Variants in THSD4 observed in about 807,000 individuals in gnomAD.
The protein encoded by THSD4 is thrombospondin type 1 domain containing 4.
THSD4 carries 69 observed loss-of-function variants against 119.0 expected under a neutral mutation model. The ratio of observed to expected loss-of-function variants is 0.58; its 90% CI spans 0.48 to 0.71. The LOEUF (loss-of-function observed/expected upper bound fraction) is 0.71, where lower values mean the gene tolerates loss of function less well. Ranked by LOEUF, THSD4 falls within the 30% of genes least tolerant of loss-of-function variation. The pLI is 0.00. For missense variants in THSD4, 1,393 were observed against 1,391.1 expected (o/e 1.00, Z -0.02); for synonymous variants, 524 against 540.4 (o/e 0.97, Z 0.42).
At position 71,653,245 on chromosome 15, in the gene THSD4, T is replaced by G. The variant is rs1016524097; in HGVS notation, c.1153-7285T>G. On this transcript the variant is annotated intron_variant, in intron 7 of 17. Coordinates refer to ENST00000261862, the MANE Select transcript of THSD4 (RefSeq NM_024817.3). ...AAGGTTTGATAGCAGTAAGGAACTATTTTTGGAAACTGGATAATTAAGTGT... is the reference window on the plus strand; with the variant it reads ...AAGGTTTGATAGCAGTAAGGAACTAGTTTTGGAAACTGGATAATTAAGTGT... Among the ~76,000 whole-genome samples the G allele has an allele frequency of 3.9e-5, 6 of 152,372 alleles. No individual in the cohort carries two copies. In the East Asian group the frequency reaches 9.6e-4, roughly 24 times the overall value.
At chr15:71,600,481 T>A (rs1218737106) in intron 7 of THSD4, among the ~76,000 whole-genome samples, 1 of 152,244 alleles carries the variant, frequency 6.6e-6, no homozygotes. Context: ...GTACCTGGTA[T>A]AATGCCTTAC....
At chr15:71,139,843 C>T (rs1408082888) in intron 1 of THSD4, among the ~76,000 whole-genome samples, 3 of 152,170 alleles carry the variant, frequency 2.0e-5, no homozygotes, top group Admixed American at 6.5e-5. Flanking sequence ...GGATCCCTGG[C>T]CCACCTTGGA....
chr15:71,331,532 G>A (rs1195950727), intron 6 of THSD4, among the ~76,000 whole-genome samples: 2 of 152,216 alleles, frequency 1.3e-5, no homozygotes, highest in African/African-American at 4.8e-5. Flanking sequence ...ATGGGGCGGG[G>A]TGAGCTGCAG....
chr15:71,160,435 C>T (rs1010705953), intron 3 of THSD4, among the ~76,000 whole-genome samples: 2 of 151,392 alleles, frequency 1.3e-5, no homozygotes, highest in Non-Finnish European at 3.0e-5. Context: ...AGCAGTGAAG[C>T]TATCTGGTCC....
chr15:71,366,567 C>T (rs1486673995), intron 6 of THSD4, among the ~76,000 whole-genome samples: 1 of 152,152 alleles, frequency 6.6e-6, no homozygotes, highest in African/African-American at 2.4e-5. Flanking sequence ...GCATTTTCCT[C>T]TGGCTGTTTT....
chr15:71,684,586 A>G (rs4776569), intron 8 of THSD4, among the ~76,000 whole-genome samples: 55,529 of 150,872 alleles, frequency 0.37, 11,229 homozygotes, highest in African/African-American at 0.53. Flanking sequence ...TTTTTCTTTA[A>G]AGTTTTCTAT....
chr15:71,263,331 G>GTATATATATATATATATATA (rs60448462), intron 6 of THSD4, among the ~76,000 whole-genome samples: 3,385 of 138,320 alleles, frequency 0.024, 118 homozygotes, highest in Middle Eastern at 0.046. Flanking sequence ...GTATTCCATG[G>GTATATATATATATATATATA]TATATATATA....
chr15:71,656,908 G>T (rs372662033), intron 7 of THSD4, among the ~76,000 whole-genome samples: 15 of 152,262 alleles, frequency 9.9e-5, no homozygotes, highest in African/African-American at 3.4e-4. Flanking sequence ...ATAATGTTGA[G>T]GAAGATGGCA....
rs71154759 is a variant in THSD4, at chr15:71,326,700, A to AATATATATAT, written c.1015+70002_1015+70011dup. ...AAAAAAAAAAAAAAAAAAAAAAAAA[A>AATATATATAT]ATATATATATATATATATATATATA... On this transcript the variant is annotated intron_variant, in intron 6 of 17. Coordinates refer to ENST00000261862, the MANE Select transcript of THSD4 (RefSeq NM_024817.3). Among the ~76,000 whole-genome samples the AATATATATAT allele has an allele frequency of 8.2e-3, 53 of 6,438 alleles. 7 individuals carry two copies. The highest frequency in any genetic ancestry group is 0.061 in the Admixed American group (15 of 246). The allele number at this position is 6,438 out of a possible 152,430, so 4.2% of individuals were successfully genotyped here.
intron 7 of THSD4, among the ~76,000 whole-genome samples, chr15:71,645,434 A>G (rs1410066285): frequency 6.6e-6 from 1 of 152,170 alleles, no homozygotes; most frequent in Admixed American, 6.5e-5. Flanking sequence ...TGAGAATAGC[A>G]TGGGGGAAAC....
Position 71,156,948 on chromosome 15 carries a change from C to T in THSD4, c.99+2016C>T, listed in dbSNP as rs115648950. Among the ~76,000 whole-genome samples the T allele has an allele frequency of 3.5e-3, 536 of 152,290 alleles. 4 individuals carry two copies. The highest frequency in any genetic ancestry group is 0.013 in the African/African-American group (524 of 41,546). The stretch of plus-strand genomic sequence containing the variant: ...GATTCACCTGGAAATTGGCACCCCC[C>T]TCCCCTGCTTACTCTGCTGCATCAT... On this transcript the variant is annotated intron_variant, in intron 3 of 17. Transcript: ENST00000261862.
chr15:71,438,921 G>T (rs564733530), intron 7 of THSD4, among the ~76,000 whole-genome samples: 93 of 152,228 alleles, frequency 6.1e-4, no homozygotes, highest in African/African-American at 2.2e-3. Context: ...TTACTTGATT[G>T]AAAAATGAAT....
intron 7 of THSD4, among the ~76,000 whole-genome samples, chr15:71,642,851 A>G (rs1057153989): frequency 1.3e-5 from 2 of 152,110 alleles, no homozygotes; most frequent in African/African-American, 4.8e-5. Flanking sequence ...CCTAATGCTA[A>G]ATGACGAGTT....
In THSD4 at chr15:71,229,801, G is replaced by A. The variant is rs78801316; in HGVS notation, c.465-12848G>A. Among the ~76,000 whole-genome samples the A allele has an allele frequency of 5.9e-5, 9 of 152,262 alleles. No individual in the cohort carries two copies. In the East Asian group the frequency reaches 1.7e-3, roughly 29 times the overall value. ...CCTCTAATGCAAGGAAGAAAGCTAT[G>A]CCTCTTCTTATTATCATGATTGATA... On this transcript the variant is annotated intron_variant, in intron 4 of 17. Coordinates refer to ENST00000261862, the MANE Select transcript of THSD4 (RefSeq NM_024817.3).
chr15:71,721,609 G>T (rs751750252), intron 8 of THSD4, among the ~76,000 whole-genome samples: 5 of 152,156 alleles, frequency 3.3e-5, no homozygotes, highest in Admixed American at 6.5e-5. Flanking sequence ...GACAGAGGTT[G>T]CAGTGAGCTG....
chr15:71,751,392 A>G (rs2053446192), intron 14 of THSD4, among the ~76,000 whole-genome samples: 1 of 152,180 alleles, frequency 6.6e-6, no homozygotes, highest in Non-Finnish European at 1.5e-5. Context: ...AAACCTCTTC[A>G]CCAAAAGAAA....
At chr15:71,633,127 C>G (rs1351580267) in intron 7 of THSD4, among the ~76,000 whole-genome samples, 4 of 152,138 alleles carry the variant, frequency 2.6e-5, no homozygotes, top group African/African-American at 4.8e-5. Flanking sequence ...TGTTGTAAGT[C>G]AACCCCCATC....
intron 6 of THSD4, among the ~76,000 whole-genome samples, chr15:71,322,681 C>G: frequency 6.6e-6 from 1 of 152,150 alleles, no homozygotes; most frequent in East Asian, 1.9e-4. Context: ...TCCAAAGTAG[C>G]TCACTCCCTG....
chr15:71,554,448 C>T (rs1481887935), intron 7 of THSD4, among the ~76,000 whole-genome samples: 1 of 151,934 alleles, frequency 6.6e-6, no homozygotes, highest in Non-Finnish European at 1.5e-5. Context: ...AAGTGCAGTG[C>T]CCCAATCACG....
Sources: gnomAD v4.1 joint callset for allele counts (sites outside exome capture counted in the v4.1 genomes callset) on GRCh38, gnomAD v4.1.1 for gene constraint, MANE v1.5 for transcripts, NCBI Gene and HGNC (gene_info 2026-07-23, HGNC 2026-07-21) for gene names.